CARS2: variants seen among roughly 807,000 people sequenced by gnomAD.
The protein encoded by CARS2 is probable cysteine--tRNA ligase, mitochondrial.
CARS2 carries 52 observed loss-of-function variants against 68.8 expected under a neutral mutation model. The ratio of observed to expected loss-of-function variants is 0.76; its 90% CI spans 0.61 to 0.95. The LOEUF (loss-of-function observed/expected upper bound fraction) is 0.95. CARS2 is among the 40% of genes least tolerant of loss of function. The probability of loss-of-function intolerance (pLI) is 0.00; values close to 1 mark genes in which losing one functional copy is unlikely to be tolerated. For missense variants in CARS2, 780 were observed against 754.2 expected (o/e 1.03, Z -0.40); for synonymous variants, 314 against 303.6 (o/e 1.03, Z -0.36).
chr13:110,642,588 C>T (rs758790375), intron 13 of CARS2, 67 bp from the exon 14 acceptor site: 25 of 1,489,300 alleles, frequency 1.7e-5, no homozygotes, highest in East Asian at 4.5e-5. Flanking sequence ...CTCCCCACCC[C>T]GTGGTTGGGC....
chr13:110,646,219 C>T, intron 11 of CARS2, 129 bp from the exon 12 acceptor site: 1 of 1,092,192 alleles, frequency 9.2e-7, no homozygotes, highest in Non-Finnish European at 1.3e-6. Context: ...GGTCATATTC[C>T]CAAAGACTTG....
intron 3 of CARS2, among the ~76,000 whole-genome samples, chr13:110,699,285 C>T (rs985099719): frequency 6.6e-6 from 1 of 152,238 alleles, no homozygotes; most frequent in Admixed American, 6.5e-5. Context: ...GAGGGTCAAA[C>T]TGCCAAACAG....
chr13:110,713,080 T>C, intron 1 of CARS2: 2 of 1,444,510 alleles, frequency 1.4e-6, no homozygotes, highest in Non-Finnish European at 1.8e-6. Context: ...TCCCCTTCCT[T>C]CCGCCTCCCG....
chr13:110,713,047 C>G lies in CARS2; in HGVS notation n.399+90G>C, dbSNP rs774314260. ...AGAGGGTGCCAGTGCGCATGCGCCG[C>G]CACTTCCGCCCGTGCCCGGCCCTCC... is the stretch of plus-strand genomic sequence containing the variant. On this transcript the variant is annotated intron_variant and non_coding_transcript_variant, in intron 1 of 2. Transcript: ENST00000485188. The G allele has an allele frequency of 7.0e-4, 1,026 of 1,466,994 alleles. 8 individuals are homozygous for G. Among genetic ancestry groups the G allele is most frequent in the Middle Eastern group, 2.2e-3 (9 of 4,146 alleles). The allele number at this position is 1,466,994 out of a possible 1,614,324, so 90.9% of individuals were successfully genotyped here. A position where few individuals can be genotyped will look rare whatever the true frequency, so the allele number is the denominator to read the frequency against.
At chr13:110,711,288 C>G (rs4771707), upstream of CARS2, among the ~76,000 whole-genome samples, 1 of 152,048 alleles carries the variant, frequency 6.6e-6, no homozygotes, top group South Asian at 2.1e-4. Context: ...ACAATCTCGG[C>G]TCACTGCAAC....
rs1366408448 is a variant in CARS2 at position 110,647,141 on chromosome 13, G to C, written c.1153C>G (p.Leu385Val). 2 of 1,608,354 alleles carry C rather than the reference G, an allele frequency of 1.2e-6. No homozygotes were observed. The highest frequency in any genetic ancestry group is 1.7e-6 in the Non-Finnish European group (2 of 1,177,900). Residue 385 changes from leucine to valine, a missense_variant, in exon 11 of 15, where the codon CTG (leucine) becomes GTG (valine). Physicochemically the swap from Leu to Val is conservative, Grantham distance 32. Transcript: ENST00000257347. ...GCTTCCCTGACGGAGCCGCAGGCCA[G>C]CTGCCCCTTCATGTAGGCACGTGCG... ...EDARAYMKGQ[L>V]ACGSVREAML...
chr13:110,691,983 T>C (rs1251984128), intron 3 of CARS2, among the ~76,000 whole-genome samples: 1 of 29,196 alleles, frequency 3.4e-5, no homozygotes, highest in Non-Finnish European at 1.0e-4. Context: ...CATAAAGCTG[T>C]GCAGAAAAAA....
At chr13:110,686,899 G>C (rs201971955) in intron 5 of CARS2, among the ~76,000 whole-genome samples, 1 of 149,004 alleles carries the variant, frequency 6.7e-6, no homozygotes, top group East Asian at 2.0e-4. Context: ...GTGGGTGGAC[G>C]GAGTCTTGCT....
At chr13:110,703,099 C>A (rs1329353920) in intron 2 of CARS2, among the ~76,000 whole-genome samples, 1 of 152,158 alleles carries the variant, frequency 6.6e-6, no homozygotes. Context: ...TAGCACCAAA[C>A]TGATCTATTT....
upstream of CARS2, among the ~76,000 whole-genome samples, chr13:110,710,767 A>G (rs1430182490): frequency 1.3e-5 from 2 of 152,238 alleles, no homozygotes; most frequent in African/African-American, 4.8e-5. Flanking sequence ...AAGCTCCAAA[A>G]AACTTTTCAC....
chr13:110,705,969 C>G lies in CARS2; in HGVS notation c.125G>C (p.Trp42Ser), dbSNP rs779385700. ...RAASGGRGRA[W>S]LQPTGRETGV... ...CGTCTCCCGGCCCGTGGGCTGCAGC[C>G]AGGCCCGCCCGCGCCCCCCGCTCGC... Residue 42 changes from tryptophan (W) to serine (S), a missense_variant, in exon 1 of 15, where the codon TGG becomes TCG. Physicochemically the swap from Trp to Ser is radical, Grantham distance 177. Transcript: ENST00000257347. This position sits in a 1 kb window ranked among gnomAD's most constrained non-coding sequence, Gnocchi z 4.0. The G allele has an allele frequency of 7.6e-5, 116 of 1,521,752 alleles. 1 individual carries two copies. The highest frequency in any genetic ancestry group is 3.4e-4 in the Middle Eastern group (2 of 5,858). The allele number at this position is 1,521,752 out of a possible 1,614,324, so 94.3% of individuals were successfully genotyped here.
Position 110,651,068 on chromosome 13 carries a change from G to C in CARS2, c.1020C>G (p.Phe340Leu), listed in dbSNP as rs749912792. The change falls in exon 10 of 15, where the codon TTC (phenylalanine) becomes TTG (leucine). Residue 340 changes from phenylalanine (F) to leucine (L), a missense_variant. Transcript: ENST00000257347. ...AGCTGCTCCGCAGGCAGAAGAACCG[G>C]AAGACATCGGGGGAAAAGGTCTTCA... ...DFLKTFSPDV[F>L]RFFCLRSSYR... 6.8e-6 allele frequency: 11 copies of C among 1,613,566 alleles called. No individual in the cohort carries two copies. The highest frequency in any genetic ancestry group is 8.5e-6 in the Non-Finnish European group (10 of 1,179,994).
rs1345964447 is a variant in CARS2 at position 110,705,583 on chromosome 13, G to T, written c.225-12C>A. ...GTCCACAGCTATACCTGGAAACAAAGTTAAAATCCATCGTGTGGAACATAT... is the reference window on the plus strand; with the variant it reads ...GTCCACAGCTATACCTGGAAACAAATTTAAAATCCATCGTGTGGAACATAT... On this transcript the variant is annotated splice_polypyrimidine_tract_variant and intron_variant, in intron 1 of 14. Transcript: ENST00000257347. This position sits in a 1 kb window ranked among gnomAD's most constrained non-coding sequence, Gnocchi z 4.0. 2 of 1,610,238 alleles carry T rather than the reference G, an allele frequency of 1.2e-6. No individual in the cohort carries two copies. The highest frequency in any genetic ancestry group is 1.7e-6 in the Non-Finnish European group (2 of 1,176,586).
chr13:110,696,624 TCA>T (rs2063631598), intron 3 of CARS2, among the ~76,000 whole-genome samples: 1 of 152,230 alleles, frequency 6.6e-6, no homozygotes. Flanking sequence ...AAGAAACTAT[TCA>T]ATACCATCTT....
At chr13:110,664,536 C>A (rs8000867) in intron 8 of CARS2, 736,039 of 896,668 alleles carry the variant, frequency 0.82, 303,078 homozygotes, top group East Asian at 0.85. Flanking sequence ...TAAATAAATA[C>A]ACCAACCAAC....
chr13:110,695,615 A>G (rs988222791), intron 3 of CARS2, among the ~76,000 whole-genome samples: 53 of 152,312 alleles, frequency 3.5e-4, no homozygotes, highest in African/African-American at 1.3e-3. Context: ...ACCTTGAGGA[A>G]TTATGCACCA....
At chr13:110,686,831 T>G (rs2063316026) in intron 5 of CARS2, among the ~76,000 whole-genome samples, 1 of 152,130 alleles carries the variant, frequency 6.6e-6, no homozygotes, top group Non-Finnish European at 1.5e-5. Flanking sequence ...GTACTGGGAT[T>G]ACAGGCATCA....
intron 6 of CARS2, among the ~76,000 whole-genome samples, chr13:110,682,819 A>G (rs555615579): frequency 6.6e-6 from 1 of 152,290 alleles, no homozygotes; most frequent in African/African-American, 2.4e-5. Context: ...CAGGGAATGG[A>G]GCCAGGCACG....
intron 1 of CARS2, chr13:110,712,648 G>T: frequency 3.4e-6 from 2 of 594,514 alleles, no homozygotes; most frequent in Non-Finnish European, 6.3e-6. Flanking sequence ...ACGCGGGGGA[G>T]GGCGGTCCGG....
Sources: allele counts gnomAD v4.1 joint callset (sites outside exome capture counted in the v4.1 genomes callset), GRCh38; gene constraint gnomAD v4.1.1; non-coding constraint Gnocchi (gnomAD v3.1); transcripts MANE v1.5; gene names NCBI Gene and HGNC (gene_info 2026-07-23, HGNC 2026-07-21).